Variants in ADAMTS9 observed in about 807,000 individuals in gnomAD.
The protein encoded by ADAMTS9 is ADAM metallopeptidase with thrombospondin type 1 motif 9, also known as A disintegrin and metalloproteinase with thrombospondin motifs 9.
Under a neutral mutation model 257.1 loss-of-function variants are expected in ADAMTS9, and 107 were observed. That is an observed-to-expected ratio of 0.42 (90% CI 0.36 to 0.49). The LOEUF is 0.49. ADAMTS9 is among the 20% of genes least tolerant of loss of function. The pLI is 0.03. For synonymous variants in ADAMTS9, 982 were observed against 880.9 expected, an observed-to-expected ratio of 1.11 and a Z score of -2.03; for missense variants, 2,353 against 2,469.1, an observed-to-expected ratio of 0.95 and a Z score of 1.00.
At chr3:64,561,318 A>C in intron 30 of ADAMTS9, 6 of 320,556 alleles carry the variant, frequency 1.9e-5, no homozygotes, top group East Asian at 5.7e-5. Flanking sequence ...ACAGCCTGTT[A>C]AAGTTTTTTT....
rs1223142494 is a variant in ADAMTS9 at position 64,654,577 on chromosome 3, G to A, written c.1205C>T (p.Thr402Ile). The change falls in exon 7 of 40, where the codon ACC becomes ATC. Residue 402 changes from threonine to isoleucine, a missense_variant. Physicochemically the swap from Thr to Ile is moderately conservative, Grantham distance 89. Coordinates refer to ENST00000498707, the MANE Select transcript of ADAMTS9 (RefSeq NM_182920.2). ...GATACGCACAGAGAACTCACCTAAG[G>A]TATCACATTTGTCGTGAGCTCTGCA... is the stretch of plus-strand genomic sequence containing the variant. ...DICRAHDKCDTLGLAELGTIC... is the reference protein window; with the variant it reads ...DICRAHDKCDILGLAELGTIC... 3 of 1,614,020 alleles carry A rather than the reference G, an allele frequency of 1.9e-6. No homozygotes were observed. The highest frequency in any genetic ancestry group is 2.7e-5 in the African/African-American group (2 of 74,928).
At chr3:64,597,894 T>C (rs2084393102) in intron 26 of ADAMTS9, among the ~76,000 whole-genome samples, 2 of 152,358 alleles carry the variant, frequency 1.3e-5, no homozygotes, top group Middle Eastern at 3.4e-3. Flanking sequence ...AAGCAATGTA[T>C]TTCTCACGAT....
At chr3:64,681,785 A>G (rs530876159) in intron 2 of ADAMTS9, among the ~76,000 whole-genome samples, 2 of 152,228 alleles carry the variant, frequency 1.3e-5, no homozygotes, top group African/African-American at 2.4e-5. Context: ...TCAGCCTCCC[A>G]AAGTGTCATA....
chr3:64,626,346 C>A (rs1358446130), intron 16 of ADAMTS9, among the ~76,000 whole-genome samples: 1 of 152,106 alleles, frequency 6.6e-6, no homozygotes, highest in African/African-American at 2.4e-5. Context: ...AGAAGGGGGT[C>A]AACAAACGTT....
chr3:64,629,619 T>C (rs1700316969), intron 16 of ADAMTS9, among the ~76,000 whole-genome samples: 2 of 152,386 alleles, frequency 1.3e-5, no homozygotes, highest in Admixed American at 6.5e-5. Context: ...CTCTGATTTC[T>C]AGCAGCACTT....
chr3:64,575,538 G>C (rs553656664), intron 28 of ADAMTS9, among the ~76,000 whole-genome samples: 1 of 152,144 alleles, frequency 6.6e-6, no homozygotes, highest in African/African-American at 2.4e-5. Context: ...AAATTCCAAG[G>C]GGTGCTTGGG....
intron 28 of ADAMTS9, chr3:64,588,264 G>A (rs1419008642): frequency 6.6e-5 from 10 of 152,068 alleles, no homozygotes; most frequent in Non-Finnish European, 1.3e-4. Context: ...CAAAGCATCA[G>A]TTCTTTAATT....
At chr3:64,667,581 G>T (rs112892285) in intron 3 of ADAMTS9, among the ~76,000 whole-genome samples, 84 of 152,284 alleles carry the variant, frequency 5.5e-4, no homozygotes, top group African/African-American at 2.0e-3. Flanking sequence ...CTTCTAAGGG[G>T]GTGGGTGCCT....
chr3:64,618,673 C>CAT (rs1223044267), intron 19 of ADAMTS9, among the ~76,000 whole-genome samples: 1 of 152,154 alleles, frequency 6.6e-6, no homozygotes, highest in African/African-American at 2.4e-5. Context: ...GCATTTCACA[C>CAT]ATATGGCAGA....
chr3:64,620,019 T>G (rs1367001298), intron 19 of ADAMTS9, among the ~76,000 whole-genome samples: 1 of 151,966 alleles, frequency 6.6e-6, no homozygotes, highest in Non-Finnish European at 1.5e-5. Flanking sequence ...TCTTCCTGTT[T>G]TTTTTTTTTT....
chr3:64,661,405 G>A (rs1701218924), intron 3 of ADAMTS9, among the ~76,000 whole-genome samples: 1 of 152,166 alleles, frequency 6.6e-6, no homozygotes, highest in Non-Finnish European at 1.5e-5. Context: ...TATGTACCAG[G>A]CATTGAATTC....
chr3:64,606,905 A>G lies in ADAMTS9; in HGVS notation c.3474+55T>C. The stretch of plus-strand genomic sequence containing the variant: ...TTCAATTTTGTCTAAACAGCTGGGC[A>G]GTTTGGTACCTTGGTCCCCAAAGTC... On this transcript the variant is annotated intron_variant, in intron 23 of 39. Transcript: ENST00000498707. 3 of 1,604,526 alleles carry G rather than the reference A, an allele frequency of 1.9e-6. No individual in the cohort carries two copies. The South Asian group carries it at 3.4e-5, about 18-fold the overall frequency.
Position 64,686,769 on chromosome 3 carries a change from G to T in ADAMTS9, c.315C>A (p.Phe105Leu). 6.2e-7 allele frequency: 1 copy of T among 1,614,150 alleles called. No individual in the cohort carries two copies. Among genetic ancestry groups the T allele is most frequent in the Non-Finnish European group, 8.5e-7 (1 of 1,180,012 alleles). The part of the protein sequence containing the change: ...SSQAHYRLSA[F>L]GQQFLFNLTA... ...TGAGATTAAATAGAAACTGCTGGCC[G>T]AAGGCAGAGAGGCGGTAATGCGCCT... The change falls in exon 2 of 40, where the codon TTC becomes TTA. Residue 105 changes from phenylalanine to leucine, a missense_variant. Around this residue, in one of 3 missense-constraint regions of ADAMTS9, gnomAD observed 591 missense variants for 569.6 expected, o/e 1.04. Coordinates refer to ENST00000498707, the MANE Select transcript of ADAMTS9 (RefSeq NM_182920.2). This position sits in a 1 kb window ranked among gnomAD's most constrained non-coding sequence, Gnocchi z 4.6.
At chr3:64,660,450 C>T (rs1257723163) in intron 3 of ADAMTS9, among the ~76,000 whole-genome samples, 2 of 152,130 alleles carry the variant, frequency 1.3e-5, no homozygotes, top group Non-Finnish European at 1.5e-5. Context: ...TTTCAGTTAC[C>T]TGCAGTCACC....
At chr3:64,519,160 T>A (rs976366852) in intron 39 of ADAMTS9, among the ~76,000 whole-genome samples, 1 of 152,172 alleles carries the variant, frequency 6.6e-6, no homozygotes, top group Admixed American at 6.6e-5. Flanking sequence ...CCACACAGTT[T>A]TGTTGTGAGG....
intron 28 of ADAMTS9, chr3:64,588,555 A>C (rs1225498635): frequency 2.0e-5 from 3 of 151,884 alleles, no homozygotes; most frequent in African/African-American, 7.3e-5. Context: ...GCTTGGACTC[A>C]ACCTCTACCT....
intron 28 of ADAMTS9, chr3:64,587,953 A>G (rs1324755838): frequency 6.6e-6 from 1 of 152,168 alleles, no homozygotes; most frequent in Non-Finnish European, 1.5e-5. Flanking sequence ...CCCAGCAGGG[A>G]GAAGGCAGAA....
intron 16 of ADAMTS9, among the ~76,000 whole-genome samples, chr3:64,630,334 C>A (rs189272793): frequency 1.8e-3 from 268 of 152,268 alleles, no homozygotes; most frequent in Non-Finnish European, 2.7e-3. Context: ...GAGGCCAAGG[C>A]AGGAAGATCG....
At chr3:64,654,721 G>A in intron 6 of ADAMTS9, 109 bp from the exon 7 acceptor site, 2 of 1,279,454 alleles carry the variant, frequency 1.6e-6, no homozygotes, top group South Asian at 1.4e-5. Flanking sequence ...CTTTGGGGTG[G>A]GGGTTAAAAA....
Sources: allele counts gnomAD v4.1 joint callset (sites outside exome capture counted in the v4.1 genomes callset), GRCh38; gene constraint gnomAD v4.1.1; regional missense constraint gnomAD v4.1.1; non-coding constraint Gnocchi (gnomAD v3.1); transcripts MANE v1.5; gene names NCBI Gene and HGNC (gene_info 2026-07-23, HGNC 2026-07-21).